CDH12: variants seen among roughly 807,000 people sequenced by gnomAD.
CDH12 encodes cadherin-12.
In CDH12, 41 loss-of-function variants were observed where a neutral mutation model predicts 74.1. That is an observed-to-expected ratio of 0.55 (90% CI 0.43 to 0.72). CDH12 has a LOEUF of 0.72. Ranked by LOEUF, CDH12 falls within the 30% of genes least tolerant of loss-of-function variation. The pLI is 0.00. For synonymous variants in CDH12, 399 were observed against 355.0 expected (o/e 1.12, Z -1.39); for missense variants, 945 against 977.2 (o/e 0.97, Z 0.44).
chr5:22,148,432 GAAGT>G (rs1266114929), intron 4 of CDH12, among the ~76,000 whole-genome samples: 3 of 151,756 alleles, frequency 2.0e-5, no homozygotes, highest in Non-Finnish European at 4.4e-5. Flanking sequence ...AAGATTTTGA[GAAGT>G]AACTAGTATC....
intron 3 of CDH12, among the ~76,000 whole-genome samples, chr5:22,370,101 A>G (rs964494201): frequency 6.6e-6 from 1 of 152,088 alleles, no homozygotes; most frequent in African/African-American, 2.4e-5. Flanking sequence ...CAGCCTCAAT[A>G]TTTTATCTTT....
chr5:22,793,992 A>G (rs1748056266), intron 1 of CDH12, among the ~76,000 whole-genome samples: 1 of 152,202 alleles, frequency 6.6e-6, no homozygotes, highest in Non-Finnish European at 1.5e-5. Flanking sequence ...ATGTTGCATC[A>G]TATAAATACT....
chr5:22,423,315 C>T (rs961178493), intron 2 of CDH12, among the ~76,000 whole-genome samples: 1 of 151,928 alleles, frequency 6.6e-6, no homozygotes, highest in East Asian at 1.9e-4. Flanking sequence ...AATACTACTT[C>T]TGAGAATCTG....
chr5:22,191,449 A>T (rs1358443028), intron 4 of CDH12, among the ~76,000 whole-genome samples: 2 of 152,188 alleles, frequency 1.3e-5, no homozygotes, highest in Non-Finnish European at 2.9e-5. Context: ...AAATGGTGTC[A>T]TATTGAAAAT....
intron 1 of CDH12, among the ~76,000 whole-genome samples, chr5:22,762,539 G>T: frequency 6.6e-6 from 1 of 151,958 alleles, no homozygotes; most frequent in South Asian, 2.1e-4. Flanking sequence ...TATGTCATCA[G>T]CTTTTTTTGG....
At chr5:21,900,092 T>G (rs1479275827) in intron 6 of CDH12, among the ~76,000 whole-genome samples, 8 of 152,154 alleles carry the variant, frequency 5.3e-5, no homozygotes, top group Admixed American at 5.2e-4. Flanking sequence ...AAAAGTTAAT[T>G]TTGATATTAA....
chr5:21,855,410 T>C (rs1050555802), intron 6 of CDH12, among the ~76,000 whole-genome samples: 4 of 151,688 alleles, frequency 2.6e-5, no homozygotes, highest in South Asian at 2.1e-4. Context: ...TTCCTAATTT[T>C]TTTTTGGCAT....
In CDH12 at chr5:21,981,859, A is replaced by G. The variant is rs185394526; in HGVS notation, c.232-6474T>C. ...AATTTTTCTATTTTTTTATTTGTAG[A>G]GATGAGGTTTCATCATACTACCCAG... On this transcript the variant is annotated intron_variant, in intron 5 of 14. Transcript: ENST00000382254. 4.0e-3 allele frequency among the ~76,000 whole-genome samples: 605 copies of G among 152,176 alleles called. 4 individuals carry two copies. Among genetic ancestry groups the G allele is most frequent in the African/African-American group, 0.014 (566 of 41,534 alleles).
chr5:22,299,971 T>A (rs1580497603), intron 3 of CDH12, among the ~76,000 whole-genome samples: 1 of 152,198 alleles, frequency 6.6e-6, no homozygotes. Flanking sequence ...AGGCTTTTAC[T>A]CAAGTGCATA....
At chr5:22,695,034 C>T (rs1742279454) in intron 1 of CDH12, among the ~76,000 whole-genome samples, 1 of 152,040 alleles carries the variant, frequency 6.6e-6, no homozygotes, top group Non-Finnish European at 1.5e-5. Flanking sequence ...GTTCCCCTCC[C>T]TGTGTCCATC....
intron 3 of CDH12, among the ~76,000 whole-genome samples, chr5:22,388,406 A>G (rs1033198312): frequency 6.6e-6 from 1 of 152,186 alleles, no homozygotes; most frequent in African/African-American, 2.4e-5. Flanking sequence ...ATGAAAATTT[A>G]TTTGAGGATA....
At chr5:22,600,731 G>C (rs888074135) in intron 1 of CDH12, among the ~76,000 whole-genome samples, 1 of 151,218 alleles carries the variant, frequency 6.6e-6, no homozygotes, top group Non-Finnish European at 1.5e-5. Flanking sequence ...TTTTTCACCT[G>C]TCTACTGTCA....
At chr5:22,169,395 C>A (rs1458511617) in intron 4 of CDH12, among the ~76,000 whole-genome samples, 3 of 151,956 alleles carry the variant, frequency 2.0e-5, no homozygotes, top group Non-Finnish European at 4.4e-5. Flanking sequence ...AATGAACAGT[C>A]GTATCCATAA....
chr5:22,708,351 C>T (rs902465833), intron 1 of CDH12, among the ~76,000 whole-genome samples: 16 of 152,204 alleles, frequency 1.1e-4, no homozygotes, highest in South Asian at 4.2e-4. Context: ...TCTCCCAAAC[C>T]GGCATAAATA....
intron 1 of CDH12, among the ~76,000 whole-genome samples, chr5:22,695,577 C>A (rs1245824792): frequency 1.3e-5 from 2 of 152,132 alleles, no homozygotes; most frequent in African/African-American, 4.8e-5. Flanking sequence ...AGAAAACAGA[C>A]ATATTTTAAA....
At chr5:22,386,764 T>A (rs1222533768) in intron 3 of CDH12, among the ~76,000 whole-genome samples, 2 of 151,940 alleles carry the variant, frequency 1.3e-5, no homozygotes, top group African/African-American at 4.8e-5. Flanking sequence ...TATAATGCAT[T>A]TATTGTGTTG....
intron 1 of CDH12, among the ~76,000 whole-genome samples, chr5:22,511,682 T>C (rs982762512): frequency 4.6e-5 from 7 of 152,180 alleles, no homozygotes; most frequent in African/African-American, 1.7e-4. Context: ...ATTTGGAATA[T>C]CTACTAAAAG....
chr5:22,292,630 A>G (rs1490915213), intron 3 of CDH12, among the ~76,000 whole-genome samples: 2 of 151,732 alleles, frequency 1.3e-5, no homozygotes, highest in African/African-American at 4.8e-5. Context: ...TCAAACACAC[A>G]CACACACACA....
intron 3 of CDH12, among the ~76,000 whole-genome samples, chr5:22,290,117 C>A (rs1386133885): frequency 6.6e-6 from 1 of 152,098 alleles, no homozygotes; most frequent in Non-Finnish European, 1.5e-5. Flanking sequence ...TGCTTTTGTA[C>A]CCCAGTGCCA....
Sources: allele counts gnomAD v4.1 joint callset (sites outside exome capture counted in the v4.1 genomes callset), GRCh38; gene constraint gnomAD v4.1.1; transcripts MANE v1.5; gene names NCBI Gene and HGNC (gene_info 2026-07-23, HGNC 2026-07-21).